HS3ST4: variants seen among roughly 807,000 people sequenced by gnomAD.
HS3ST4 encodes the protein heparan sulfate glucosamine 3-O-sulfotransferase 4.
A neutral mutation model predicts 29.2 loss-of-function variants in HS3ST4; 17 were observed. The observed-to-expected ratio is 0.58, with a 90% CI of 0.40 to 0.87. HS3ST4 has a LOEUF of 0.87. Ranked by LOEUF, HS3ST4 falls within the 40% of genes least tolerant of loss-of-function variation. The pLI is 0.00. For synonymous variants in HS3ST4, 314 were observed against 285.7 expected, an observed-to-expected ratio of 1.10 and a Z score of -1.00; for missense variants, 627 against 634.5, an observed-to-expected ratio of 0.99 and a Z score of 0.13.
chr16:25,973,382 C>T (rs951475682), intron 1 of HS3ST4, among the ~76,000 whole-genome samples: 4 of 152,152 alleles, frequency 2.6e-5, no homozygotes, highest in African/African-American at 9.7e-5. Context: ...GCTCTAAAGC[C>T]ACATATTAAA....
chr16:26,129,653 T>G (rs547500838), intron 1 of HS3ST4, among the ~76,000 whole-genome samples: 1 of 152,334 alleles, frequency 6.6e-6, no homozygotes, highest in East Asian at 1.9e-4. Flanking sequence ...TTTCAAATAA[T>G]GAAATAGACC....
chr16:25,728,811 A>G (rs919070301), intron 1 of HS3ST4, among the ~76,000 whole-genome samples: 5 of 152,224 alleles, frequency 3.3e-5, no homozygotes, highest in Non-Finnish European at 7.3e-5. Context: ...GGCAAAACAC[A>G]GTGGTTCATG....
chr16:25,790,634 A>G (rs565175863), intron 1 of HS3ST4, among the ~76,000 whole-genome samples: 1 of 152,210 alleles, frequency 6.6e-6, no homozygotes, highest in South Asian at 2.1e-4. Flanking sequence ...TTCTCTGACC[A>G]CTGATAAGAT....
intron 1 of HS3ST4, among the ~76,000 whole-genome samples, chr16:26,008,127 A>G (rs1466944370): frequency 2.0e-5 from 3 of 152,196 alleles, no homozygotes; most frequent in Non-Finnish European, 2.9e-5. Context: ...TTTATTAGCT[A>G]TACATGTACA....
intron 1 of HS3ST4, among the ~76,000 whole-genome samples, chr16:26,080,975 C>T (rs1347892987): frequency 6.6e-6 from 1 of 152,156 alleles, no homozygotes; most frequent in Non-Finnish European, 1.5e-5. Flanking sequence ...GACTCCACCC[C>T]AGCCTTACTG....
intron 1 of HS3ST4, among the ~76,000 whole-genome samples, chr16:25,951,121 A>T (rs1309812953): frequency 6.6e-6 from 1 of 152,126 alleles, no homozygotes; most frequent in East Asian, 1.9e-4. Flanking sequence ...TAGGCCTCCT[A>T]GCATCATTTG....
chr16:26,027,803 C>T (rs1262513683), intron 1 of HS3ST4, among the ~76,000 whole-genome samples: 1 of 152,168 alleles, frequency 6.6e-6, no homozygotes, highest in Non-Finnish European at 1.5e-5. Flanking sequence ...AAGTTTAATA[C>T]TTGTTCGAGT....
intron 1 of HS3ST4, among the ~76,000 whole-genome samples, chr16:25,943,853 T>C (rs1398326959): frequency 6.6e-6 from 1 of 152,210 alleles, no homozygotes; most frequent in Non-Finnish European, 1.5e-5. Context: ...TGATGGTTTC[T>C]GCTTCGTGGC....
intron 1 of HS3ST4, among the ~76,000 whole-genome samples, chr16:25,949,143 A>T (rs1476448787): frequency 5.9e-5 from 9 of 151,994 alleles, no homozygotes; most frequent in Admixed American, 5.2e-4. Context: ...TAGGCGTGCA[A>T]TGTGTTTATT....
chr16:25,773,607 C>A (rs1409099309), intron 1 of HS3ST4, among the ~76,000 whole-genome samples: 3 of 152,106 alleles, frequency 2.0e-5, no homozygotes, highest in African/African-American at 7.2e-5. Context: ...TTCAAGTAGA[C>A]AAACTGAAAA....
chr16:25,884,492 T>C (rs550995434), intron 1 of HS3ST4, among the ~76,000 whole-genome samples: 1 of 152,342 alleles, frequency 6.6e-6, no homozygotes, highest in African/African-American at 2.4e-5. Flanking sequence ...CATTTACTTA[T>C]GTTCTTGTGT....
intron 1 of HS3ST4, among the ~76,000 whole-genome samples, chr16:26,083,041 G>A (rs1898742910): frequency 6.6e-6 from 1 of 152,232 alleles, no homozygotes; most frequent in African/African-American, 2.4e-5. Context: ...GGAAGCCACT[G>A]TTAATGATAT....
chr16:26,038,654 T>TTATGTATGTATGTATG (rs551652348), intron 1 of HS3ST4, among the ~76,000 whole-genome samples: 5 of 149,750 alleles, frequency 3.3e-5, no homozygotes, highest in African/African-American at 9.9e-5. Flanking sequence ...TTTTTTTTAA[T>TTATGTATGTATGTATG]TATGTATGTA....
chr16:25,842,986 A>G (rs1423844867), intron 1 of HS3ST4, among the ~76,000 whole-genome samples: 1 of 152,222 alleles, frequency 6.6e-6, no homozygotes, highest in Non-Finnish European at 1.5e-5. Flanking sequence ...GTTATTTACT[A>G]AGTTTGGGCA....
At chr16:25,900,896 C>T (rs1028828734) in intron 1 of HS3ST4, among the ~76,000 whole-genome samples, 61 of 152,232 alleles carry the variant, frequency 4.0e-4, no homozygotes, top group African/African-American at 1.4e-3. Context: ...TACATGATTA[C>T]ATTACTCTAG....
intron 1 of HS3ST4, among the ~76,000 whole-genome samples, chr16:25,752,979 A>G (rs960039576): frequency 6.6e-6 from 1 of 152,230 alleles, no homozygotes; most frequent in Non-Finnish European, 1.5e-5. Flanking sequence ...TTTTCTTAGC[A>G]AAATGCCATG....
chr16:26,045,004 C>A (rs564120797), intron 1 of HS3ST4, among the ~76,000 whole-genome samples: 1 of 152,278 alleles, frequency 6.6e-6, no homozygotes, highest in African/African-American at 2.4e-5. Context: ...GCCGTCTGTG[C>A]AACCATGATC....
chr16:26,031,153 TC>T (rs1476046098), intron 1 of HS3ST4, among the ~76,000 whole-genome samples: 1 of 152,154 alleles, frequency 6.6e-6, no homozygotes, highest in Admixed American at 6.5e-5. Flanking sequence ...CCAGTCCCAT[TC>T]AGAGCGGGAC....
At chr16:26,099,315 G>A (rs2141795510) in intron 1 of HS3ST4, among the ~76,000 whole-genome samples, 1 of 152,166 alleles carries the variant, frequency 6.6e-6, no homozygotes, top group Non-Finnish European at 1.5e-5. Flanking sequence ...TCACCATACT[G>A]GACTAATTTT....
Sources: gnomAD v4.1 joint callset for allele counts (sites outside exome capture counted in the v4.1 genomes callset) on GRCh38, gnomAD v4.1.1 for gene constraint, MANE v1.5 for transcripts, NCBI Gene and HGNC (gene_info 2026-07-23, HGNC 2026-07-21) for gene names.